SMCO2: variants seen among roughly 807,000 people sequenced by gnomAD.
SMCO2 encodes single-pass membrane and coiled-coil domain-containing protein 2.
A neutral mutation model predicts 29.5 loss-of-function variants in SMCO2; 25 were observed. The ratio of observed to expected loss-of-function variants is 0.85; its 90% CI spans 0.62 to 1.18. The LOEUF (loss-of-function observed/expected upper bound fraction) is 1.18, where lower values mean the gene tolerates loss of function less well. SMCO2 is among the 50% of genes most tolerant of loss of function. SMCO2 has a pLI of 0.00. For synonymous variants in SMCO2, 117 were observed against 123.3 expected (o/e 0.95, Z 0.34); for missense variants, 348 against 344.5 (o/e 1.01, Z -0.08).
At chr12:27,483,834 A>G (rs1949665372) in intron 4 of SMCO2, among the ~76,000 whole-genome samples, 1 of 152,104 alleles carries the variant, frequency 6.6e-6, no homozygotes, top group African/African-American at 2.4e-5. Flanking sequence ...CTGTACTTCT[A>G]TGTCTGTTCT....
exon 8 of SMCO2, chr12:27,502,068 G>A (rs1943086646): frequency 6.5e-7 from 1 of 1,545,914 alleles, no homozygotes; most frequent in Non-Finnish European, 8.7e-7. Flanking sequence ...GGACCTACGG[G>A]AGATGAGAGA....
the SMCO2 span, among the ~76,000 whole-genome samples, chr12:27,451,458 T>A: frequency 6.6e-6 from 1 of 152,160 alleles, no homozygotes; most frequent in Non-Finnish European, 1.5e-5. Context: ...GATCAATATG[T>A]AGCCTCGTTT....
intron 1 of SMCO2, among the ~76,000 whole-genome samples, chr12:27,468,409 G>T (rs306639): frequency 0.035 from 5,357 of 152,282 alleles, 331 homozygotes; most frequent in African/African-American, 0.12. Context: ...TAAAGGAATG[G>T]GTGTGGCTGT....
chr12:27,453,744 C>T, the SMCO2 span, among the ~76,000 whole-genome samples: 1 of 152,176 alleles, frequency 6.6e-6, no homozygotes, highest in Non-Finnish European at 1.5e-5. Flanking sequence ...GTAAGTACAG[C>T]AAATGTGGCA....
At chr12:27,486,758 G>A (rs540634914) in intron 4 of SMCO2, among the ~76,000 whole-genome samples, 160 of 152,202 alleles carry the variant, frequency 1.1e-3, no homozygotes, top group African/African-American at 3.5e-3. Flanking sequence ...CTGAATTAAC[G>A]TTATAAAATA....
intron 4 of SMCO2, among the ~76,000 whole-genome samples, chr12:27,481,495 T>C (rs1042817925): frequency 2.0e-5 from 3 of 152,224 alleles, no homozygotes; most frequent in Non-Finnish European, 4.4e-5. Flanking sequence ...TAGAAAACCA[T>C]TAAGATTTTC....
intron 7 of SMCO2, chr12:27,497,902 G>T: frequency 5.7e-6 from 2 of 348,720 alleles, no homozygotes; most frequent in Middle Eastern, 4.2e-4. Flanking sequence ...AGATTGGTTG[G>T]TATGATCCTA....
At chr12:27,456,439 A>G in the SMCO2 span, among the ~76,000 whole-genome samples, 1 of 152,066 alleles carries the variant, frequency 6.6e-6, no homozygotes. Context: ...AACTGTTCTT[A>G]GTGTGTAACC....
intron 1 of SMCO2, among the ~76,000 whole-genome samples, chr12:27,469,710 G>A (rs1259378737): frequency 6.6e-6 from 1 of 151,920 alleles, no homozygotes; most frequent in Admixed American, 6.6e-5. Flanking sequence ...CTATAACTAG[G>A]AGTTATGTTT....
chr12:27,471,805 A>C (rs1349023062), intron 2 of SMCO2, among the ~76,000 whole-genome samples: 1 of 152,214 alleles, frequency 6.6e-6, no homozygotes, highest in Non-Finnish European at 1.5e-5. Context: ...TTAGACAAGG[A>C]GTGGGAAACA....
At chr12:27,472,050 A>T (rs1949545176) in intron 2 of SMCO2, among the ~76,000 whole-genome samples, 1 of 152,198 alleles carries the variant, frequency 6.6e-6, no homozygotes, top group South Asian at 2.1e-4. Flanking sequence ...TCTGTTAATA[A>T]AAAAACTGAT....
intron 1 of SMCO2, among the ~76,000 whole-genome samples, chr12:27,469,499 T>G (rs376845734): frequency 2.0e-5 from 3 of 152,298 alleles, no homozygotes; most frequent in East Asian, 1.9e-4. Flanking sequence ...TATTCCTCCC[T>G]GTTGCTAGTC....
At chr12:27,475,623 CAA>C in intron 4 of SMCO2, 1 of 1,549,806 alleles carries the variant, frequency 6.5e-7, no homozygotes, top group Non-Finnish European at 8.7e-7. Context: ...TACTGGAACA[CAA>C]AGATAGGTCT....
the SMCO2 span, among the ~76,000 whole-genome samples, chr12:27,438,470 A>G: frequency 1.3e-5 from 2 of 152,126 alleles, no homozygotes; most frequent in African/African-American, 4.8e-5. Flanking sequence ...CCAAAGTGCA[A>G]TTCATCACTT....
chr12:27,447,577 C>A, the SMCO2 span, among the ~76,000 whole-genome samples: 1 of 151,946 alleles, frequency 6.6e-6, no homozygotes, highest in African/African-American at 2.4e-5. Context: ...GGCAACACAG[C>A]AAAACCTTGT....
chr12:27,493,272 C>A (rs940807934), intron 5 of SMCO2, among the ~76,000 whole-genome samples: 4 of 152,034 alleles, frequency 2.6e-5, no homozygotes, highest in African/African-American at 9.7e-5. Flanking sequence ...GTACAGCAAA[C>A]CCCCATGACA....
chr12:27,474,114 C>G (rs427679), intron 3 of SMCO2, among the ~76,000 whole-genome samples: 31,879 of 152,126 alleles, frequency 0.21, 6,176 homozygotes, highest in African/African-American at 0.5. Context: ...TTTCACATTT[C>G]TCACATTGGC....
the SMCO2 span, among the ~76,000 whole-genome samples, chr12:27,430,967 G>A: frequency 2.6e-3 from 392 of 151,980 alleles, 4 homozygotes; most frequent in Non-Finnish European, 3.6e-3. Flanking sequence ...TGAACTCAAA[G>A]CACAGCAATT....
At chr12:27,471,059 T>G (rs931496532) in intron 2 of SMCO2, among the ~76,000 whole-genome samples, 2 of 152,126 alleles carry the variant, frequency 1.3e-5, no homozygotes, top group Admixed American at 6.6e-5. Flanking sequence ...TTGCTGAAGA[T>G]CTAAGCCATT....
Sources: gnomAD v4.1 joint callset for allele counts (sites outside exome capture counted in the v4.1 genomes callset) on GRCh38, gnomAD v4.1.1 for gene constraint, MANE v1.5 for transcripts, NCBI Gene and HGNC (gene_info 2026-07-23, HGNC 2026-07-21) for gene names.